MYNN: variants seen among roughly 807,000 people sequenced by gnomAD.
The protein encoded by MYNN is zinc finger and BTB domain-containing protein 31.
A neutral mutation model predicts 57.2 loss-of-function variants in MYNN; 22 were observed. That is an observed-to-expected ratio of 0.38 (90% confidence interval 0.27 to 0.55). MYNN has a LOEUF of 0.55. Among genes scored for constraint, MYNN ranks in the 20% least tolerant of loss-of-function variants. The pLI is 0.71. For synonymous variants in MYNN, 241 were observed against 257.1 expected, an observed-to-expected ratio of 0.94 and a Z score of 0.60; for missense variants, 566 against 723.1, an observed-to-expected ratio of 0.78 and a Z score of 2.49.
chr3:169,779,922 A>C (rs1171789072), intron 3 of MYNN: 2 of 231,340 alleles, frequency 8.6e-6, no homozygotes, highest in East Asian at 9.6e-5. Context: ...ATACTTCTAG[A>C]CTCTGTTGAC....
chr3:169,780,056 CTT>C (rs1778464029), intron 3 of MYNN: 1 of 158,326 alleles, frequency 6.3e-6, no homozygotes, highest in Admixed American at 6.1e-5. Context: ...TACATTCGTA[CTT>C]TTTTCTTTTT....
Position 169,780,707 on chromosome 3 carries a change from A to C in MYNN, c.1178A>C (p.Asn393Thr), listed in dbSNP as rs1560587892. The C allele has an allele frequency of 6.2e-7, 1 of 1,606,598 alleles. No homozygotes were observed. Among genetic ancestry groups the C allele is most frequent in the Non-Finnish European group, 8.5e-7 (1 of 1,178,154 alleles). Reference protein sequence around the residue: ...EEKPYKCDVCNLQFATSSNLK... With the variant: ...EEKPYKCDVCTLQFATSSNLK... ...AAACCCTATAAATGTGATGTATGCA[A>C]CTTACAGTTTGCAACTTCTAGCAAT... The change falls in exon 4 of 8, where the codon AAC becomes ACC. Residue 393 changes from asparagine (N) to threonine (T), a missense_variant. Transcript: ENST00000349841.
At chr3:169,780,850 G>A (rs1778490101) in intron 4 of MYNN, 101 bp downstream of exon 4, 7 of 1,027,992 alleles carry the variant, frequency 6.8e-6, no homozygotes, top group Non-Finnish European at 8.0e-6. Context: ...AATTGTAATT[G>A]TGGTTCCACC....
Position 169,780,749 on chromosome 3 carries a change from G to A in MYNN, c.1220G>A (p.Arg407Lys). ...ATSSNLKIHA[R>K]KHSGEKPYVC... ...TCTAGCAATCTCAAGATTCATGCAA[G>A]GTAAAAAACCAAATGAGTTGTTTGA... The change falls in exon 4 of 8, where the codon AGG (arginine) becomes AAG (lysine). Residue 407 changes from arginine to lysine, a missense_variant and splice_region_variant. By Grantham distance (26) the Arg-to-Lys change is conservative. Transcript: ENST00000349841. 2 of 1,592,644 alleles carry A rather than the reference G, an allele frequency of 1.3e-6. No individual in the cohort carries two copies. The highest frequency in any genetic ancestry group is 1.7e-6 in the Non-Finnish European group (2 of 1,173,082).
In MYNN at chr3:169,783,437, G is replaced by C. The variant is rs182770063; in HGVS notation, c.1400-40G>C. The C allele has an allele frequency of 5.2e-5, 57 of 1,093,196 alleles. No homozygotes were observed. In the Admixed American group the frequency reaches 1.0e-3, roughly 19 times the overall value. 67.7% of individuals were successfully genotyped at this position (1,093,196 alleles called of 1,614,324 possible). On this transcript the variant is annotated intron_variant, in intron 5 of 7. Coordinates refer to ENST00000349841, the MANE Select transcript of MYNN (RefSeq NM_018657.5). ...TTTGTAATTGATAAATATTATATTGGTATAGTACACCACTTCGCTATCTTT... is the reference window on the plus strand; with the variant it reads ...TTTGTAATTGATAAATATTATATTGCTATAGTACACCACTTCGCTATCTTT...
In MYNN at chr3:169,779,923, C is replaced by G. The variant is rs1162374395; in HGVS notation, c.1060+362C>G. ...ACACTTCTCATTACATACTTCTAGA[C>G]TCTGTTGACTTCTGAACATGTTCAT... is the stretch of plus-strand genomic sequence containing the variant. On this transcript the variant is annotated intron_variant, in intron 3 of 7. Transcript: ENST00000349841. 22 of 232,006 alleles carry G rather than the reference C, an allele frequency of 9.5e-5. No individual in the cohort carries two copies. The Admixed American group carries it at 1.1e-3, about 12-fold the overall frequency. 14.4% of individuals were successfully genotyped at this position (232,006 alleles called of 1,614,324 possible).
Position 169,787,215 on chromosome 3 carries a change from G to C in MYNN, c.*537G>C, listed in dbSNP as rs553428729. 10 of 152,298 alleles carry C rather than the reference G, an allele frequency of 6.6e-5. No homozygotes were observed. In the East Asian group the frequency reaches 1.5e-3, roughly 24 times the overall value. 9.4% of individuals were successfully genotyped at this position (152,298 alleles called of 1,614,324 possible). ...TGTGCTATTTCTCTATTAATATATT[G>C]TTAGAAATAACTTTTCTAATGAAAC... On this transcript the variant is annotated 3_prime_UTR_variant, in exon 8 of 8. Transcript: ENST00000349841.
chr3:169,778,644 A>T (rs1778418937), intron 2 of MYNN, 124 bp from the exon 3 acceptor site: 4 of 687,246 alleles, frequency 5.8e-6, no homozygotes, highest in African/African-American at 3.6e-5. Flanking sequence ...TTTTTCTCTT[A>T]GTTATGTCTT....
rs780719918 is a variant in MYNN at position 169,779,362 on chromosome 3, G to A, written c.861G>A (p.Glu287=). 7 of 1,614,080 alleles carry A rather than the reference G, an allele frequency of 4.3e-6. No homozygotes were observed. The highest frequency in any genetic ancestry group is 5.9e-6 in the Non-Finnish European group (7 of 1,180,048). Residue 287 remains glutamate, a synonymous_variant, in exon 3 of 8, where the codon GAG becomes GAA. Transcript: ENST00000349841. ...IASVKSPYEA[E]NSGEELDQRY... The stretch of plus-strand genomic sequence containing the variant: ...GCGTCAAGAGTCCTTATGAGGCGGA[G>A]AACTCCGGGGAAGAGCTGGATCAGA...
rs1242026221 is a variant in MYNN, at chr3:169,774,529, G to GT, written c.237dup (p.Ile80TyrfsTer9). Reference sequence around the variant, plus strand: ...CTGATGGATTTCAGAAACTGTTGGAGTTTATATACACAGGAACTTTAAATC... The same window carrying GT: ...CTGATGGATTTCAGAAACTGTTGGAGTTTTATATACACAGGAACTTTAAATC... On this transcript the variant is annotated frameshift_variant, in exon 2 of 8. Transcript: ENST00000349841. LOFTEE classifies it high-confidence loss of function. The GT allele has an allele frequency of 6.2e-7, 1 of 1,613,640 alleles. No individual in the cohort carries two copies. Among genetic ancestry groups the GT allele is most frequent in the Non-Finnish European group, 8.5e-7 (1 of 1,179,806 alleles).
chr3:169,784,863 T>G (rs1778626349), intron 7 of MYNN, among the ~76,000 whole-genome samples, 155 bp downstream of exon 7: 1 of 151,402 alleles, frequency 6.6e-6, no homozygotes, highest in Non-Finnish European at 1.5e-5. Flanking sequence ...GGAAAGTAGC[T>G]TTTTTGCAGA....
chr3:169,782,526 A>G lies in MYNN; in HGVS notation c.1282A>G (p.Ser428Gly). The change falls in exon 5 of 8, where the codon AGC becomes GGC. Residue 428 changes from serine (S) to glycine (G), a missense_variant. This residue lies in a region of MYNN where 123 missense variants were observed against 222.6 expected (regional missense o/e 0.55). Coordinates refer to ENST00000349841, the MANE Select transcript of MYNN (RefSeq NM_018657.5). The surrounding 1 kb of genome is among the most constrained non-coding windows in gnomAD (Gnocchi z 4.8). ...DRCGQRFAQA[S>G]TLTYHVRRHT... is the part of the protein sequence containing the mutation. The stretch of plus-strand genomic sequence containing the variant: ...GTGTGGACAGAGATTTGCTCAAGCC[A>G]GCACACTGACCTATCATGTCCGTAG... The G allele has an allele frequency of 6.2e-7, 1 of 1,614,072 alleles. No homozygotes were observed. The highest frequency in any genetic ancestry group is 8.5e-7 in the Non-Finnish European group (1 of 1,179,932).
intron 7 of MYNN, among the ~76,000 whole-genome samples, chr3:169,785,888 C>T (rs927208204): frequency 1.4e-4 from 21 of 152,064 alleles, no homozygotes; most frequent in Non-Finnish European, 7.4e-5. Context: ...CAGAATTTCT[C>T]ACCTCTGAAA....
Position 169,780,679 on chromosome 3 carries a change from G to C in MYNN, c.1150G>C (p.Glu384Gln). Residue 384 changes from glutamate to glutamine, a missense_variant, in exon 4 of 8, where the codon GAA (glutamate) becomes CAA (glutamine). Coordinates refer to ENST00000349841, the MANE Select transcript of MYNN (RefSeq NM_018657.5). ...VFHSRMHHGE[E>Q]KPYKCDVCNL... Reference sequence around the variant, plus strand: ...CCATAGTCGCATGCATCATGGTGAAGAAAAACCCTATAAATGTGATGTATG... The same window carrying C: ...CCATAGTCGCATGCATCATGGTGAACAAAAACCCTATAAATGTGATGTATG... The C allele has an allele frequency of 6.2e-7, 1 of 1,612,760 alleles. No individual in the cohort carries two copies. Among genetic ancestry groups the C allele is most frequent in the East Asian group, 2.2e-5 (1 of 44,820 alleles).
In MYNN at chr3:169,786,466, C is replaced by G; in HGVS notation, c.1621C>G (p.Gln541Glu). 4 of 1,613,446 alleles carry G rather than the reference C, an allele frequency of 2.5e-6. No homozygotes were observed. The highest frequency in any genetic ancestry group is 3.4e-6 in the Non-Finnish European group (4 of 1,179,540). ...TGCAGAGGATCATACTTTGAGTGAA[C>G]AGGATTCCATACAAAAAAGTCCTTT... ...SSAEDHTLSEQDSIQKSPLSE... is the reference protein window; with the variant it reads ...SSAEDHTLSEEDSIQKSPLSE... Residue 541 changes from glutamine to glutamate, a missense_variant, in exon 8 of 8, where the codon CAG becomes GAG. Physicochemically the swap from Gln to Glu is conservative, Grantham distance 29 (BLOSUM62 2). Transcript: ENST00000349841.
intron 1 of MYNN, chr3:169,773,940 AT>A: frequency 4.6e-6 from 1 of 216,876 alleles, no homozygotes; most frequent in Non-Finnish European, 9.3e-6. Flanking sequence ...GGTTTAAAAA[AT>A]TTTTTTGTAA....
chr3:169,786,539 C>T lies in MYNN; in HGVS notation c.1694C>T (p.Ala565Val), dbSNP rs202149737. 6.2e-7 allele frequency: 1 copy of T among 1,613,714 alleles called. No homozygotes were observed. The highest frequency in any genetic ancestry group is 2.2e-5 in the East Asian group (1 of 44,870). ...CCTTCTGATATGACTTTACCATTAG[C>T]TCTTCCACTTGGGACTGAGGACCAT... ...VKPSDMTLPL[A>V]LPLGTEDHHM... Residue 565 changes from alanine (A) to valine (V), a missense_variant, in exon 8 of 8, where the codon GCT becomes GTT. Physicochemically the swap from Ala to Val is moderately conservative, Grantham distance 64. This residue lies in a region of MYNN where 156 missense variants were observed against 163.9 expected (regional missense o/e 0.95). Coordinates refer to ENST00000349841, the MANE Select transcript of MYNN (RefSeq NM_018657.5).
chr3:169,776,764 C>T lies in MYNN; in HGVS notation c.267-2004C>T, dbSNP rs142962214. The stretch of plus-strand genomic sequence containing the variant: ...TGTCACCCAGGCTGGAGTGCAATGG[C>T]GTGATCTCGGCTCACTGCAACCTCC... On this transcript the variant is annotated intron_variant, in intron 2 of 7. Transcript: ENST00000349841. 1.4e-3 allele frequency among the ~76,000 whole-genome samples: 173 copies of T among 125,906 alleles called. 1 individual carries two copies. The highest frequency in any genetic ancestry group is 4.6e-3 in the African/African-American group (152 of 32,818). 82.6% of individuals were successfully genotyped at this position (125,906 alleles called of 152,430 possible). A position where few individuals can be genotyped will look rare whatever the true frequency, so the allele number is the denominator to read the frequency against.
chr3:169,786,592 C>A lies in MYNN; in HGVS notation c.1747C>A (p.Gln583Lys). 1 of 1,613,640 alleles carries A rather than the reference C, an allele frequency of 6.2e-7. No individual in the cohort carries two copies. Among genetic ancestry groups the A allele is most frequent in the South Asian group, 1.1e-5 (1 of 91,074 alleles). Residue 583 changes from glutamine (Q) to lysine (K), a missense_variant, in exon 8 of 8, where the codon CAG becomes AAG. By Grantham distance (53) the Gln-to-Lys change is moderately conservative. This residue lies in a region of MYNN where 156 missense variants were observed against 163.9 expected (regional missense o/e 0.95). Transcript: ENST00000349841. ...CATGCTTCTGCCTGTCACGGATACT[C>A]AGTCTCCTACATCAGATACATTGTT... ...HHMLLPVTDT[Q>K]SPTSDTLLRS...
Sources: gnomAD v4.1 joint callset for allele counts (sites outside exome capture counted in the v4.1 genomes callset) on GRCh38, gnomAD v4.1.1 for gene constraint, gnomAD v4.1.1 regional missense constraint, Gnocchi (gnomAD v3.1) non-coding constraint, MANE v1.5 for transcripts, NCBI Gene and HGNC (gene_info 2026-07-23, HGNC 2026-07-21) for gene names.